SEMA3E: variants seen among roughly 807,000 people sequenced by gnomAD.
SEMA3E encodes the protein semaphorin-3E.
Under a neutral mutation model 93.6 loss-of-function variants are expected in SEMA3E, and 49 were observed. The observed-to-expected ratio is 0.52, with a 90% CI of 0.42 to 0.66. The LOEUF (loss-of-function observed/expected upper bound fraction) is 0.66, where lower values mean the gene tolerates loss of function less well. SEMA3E is among the 30% of genes least tolerant of loss of function. SEMA3E has a pLI of 0.00. For missense variants in SEMA3E, 906 were observed against 964.8 expected (o/e 0.94, Z 0.81); for synonymous variants, 363 against 330.7 (o/e 1.10, Z -1.06).
intron 4 of SEMA3E, among the ~76,000 whole-genome samples, chr7:83,433,328 T>C (rs139326353): frequency 1.2e-4 from 19 of 152,266 alleles, no homozygotes; most frequent in Middle Eastern, 3.4e-3. Flanking sequence ...GAGTGTCTTA[T>C]TGAGGTTTAT....
chr7:83,568,774 G>C (rs1162372083), intron 1 of SEMA3E, among the ~76,000 whole-genome samples: 1 of 152,048 alleles, frequency 6.6e-6, no homozygotes, highest in African/African-American at 2.4e-5. Flanking sequence ...CTTACAGAAT[G>C]AGAAAAAAGC....
At chr7:83,439,933 G>A (rs1789079155) in intron 4 of SEMA3E, among the ~76,000 whole-genome samples, 1 of 152,170 alleles carries the variant, frequency 6.6e-6, no homozygotes, top group Admixed American at 6.5e-5. Flanking sequence ...CACATGATCA[G>A]TGGTAAAAGA....
At chr7:83,461,432 C>T (rs548606681) in intron 4 of SEMA3E, among the ~76,000 whole-genome samples, 1 of 152,322 alleles carries the variant, frequency 6.6e-6, no homozygotes, top group Non-Finnish European at 1.5e-5. Flanking sequence ...CCCCTCCTCA[C>T]ACCTGGTCCG....
At chr7:83,450,149 A>C (rs868477226) in intron 4 of SEMA3E, among the ~76,000 whole-genome samples, 12 of 152,344 alleles carry the variant, frequency 7.9e-5, no homozygotes, top group African/African-American at 2.6e-4. Flanking sequence ...TGGGGTAACT[A>C]GAAAACTTAT....
chr7:83,413,935 A>T (rs2713155), intron 5 of SEMA3E, among the ~76,000 whole-genome samples: 4,280 of 152,222 alleles, frequency 0.028, 161 homozygotes, highest in East Asian at 0.17. Flanking sequence ...CTTTTTTCTT[A>T]GTCCTTTACC....
At chr7:83,528,657 C>A (rs1386962943) in intron 1 of SEMA3E, among the ~76,000 whole-genome samples, 1 of 152,036 alleles carries the variant, frequency 6.6e-6, no homozygotes, top group East Asian at 1.9e-4. Context: ...TTATCCAAAT[C>A]TTTAATGTTT....
At chr7:83,560,750 T>C (rs1030388728) in intron 1 of SEMA3E, among the ~76,000 whole-genome samples, 2 of 151,958 alleles carry the variant, frequency 1.3e-5, no homozygotes, top group African/African-American at 2.4e-5. Flanking sequence ...CCATTTTTAA[T>C]AAACTGTGTG....
chr7:83,544,275 T>A (rs1791599337), intron 1 of SEMA3E, among the ~76,000 whole-genome samples: 1 of 152,120 alleles, frequency 6.6e-6, no homozygotes, highest in South Asian at 2.1e-4. Flanking sequence ...TACAGATAAT[T>A]GAGAAGTACA....
In SEMA3E at chr7:83,435,324, T is replaced by C. The variant is rs377603255; in HGVS notation, c.457-16841A>G. ...TTATTGAATTTTTGGCCTGGCACAG[T>C]GGCTCACGCCTGTAATCCTGGCACT... is the stretch of plus-strand genomic sequence containing the variant. On this transcript the variant is annotated intron_variant, in intron 4 of 16. Transcript: ENST00000643230. Among the ~76,000 whole-genome samples the C allele has an allele frequency of 3.5e-4, 54 of 152,280 alleles. 1 individual carries two copies. The highest frequency in any genetic ancestry group is 1.2e-3 in the African/African-American group (49 of 41,572).
chr7:83,632,005 A>T (rs1793794614), intron 1 of SEMA3E, among the ~76,000 whole-genome samples: 1 of 151,964 alleles, frequency 6.6e-6, no homozygotes, highest in African/African-American at 2.4e-5. Context: ...AAAATACAAA[A>T]TTAGCCGGGC....
chr7:83,577,693 T>G (rs984362179), intron 1 of SEMA3E, among the ~76,000 whole-genome samples: 5 of 152,156 alleles, frequency 3.3e-5, no homozygotes, highest in Non-Finnish European at 7.4e-5. Flanking sequence ...ACAGATGAAA[T>G]GTGAGATAGA....
chr7:83,376,739 A>G (rs1794828309), intron 16 of SEMA3E, among the ~76,000 whole-genome samples: 1 of 152,026 alleles, frequency 6.6e-6, no homozygotes, highest in Non-Finnish European at 1.5e-5. Flanking sequence ...TTTTGCATTT[A>G]CTACAATAAA....
intron 2 of SEMA3E, among the ~76,000 whole-genome samples, chr7:83,488,356 C>G (rs948503721): frequency 2.0e-5 from 3 of 151,910 alleles, no homozygotes; most frequent in African/African-American, 7.3e-5. Flanking sequence ...AAGAGAGATG[C>G]TAAGAGAAAC....
At chr7:83,531,233 C>A (rs955260684) in intron 1 of SEMA3E, among the ~76,000 whole-genome samples, 5 of 147,376 alleles carry the variant, frequency 3.4e-5, no homozygotes, top group East Asian at 4.0e-4. Flanking sequence ...ATATTTATTT[C>A]TACTTTGTAA....
At chr7:83,619,902 G>T (rs1793514039) in intron 1 of SEMA3E, among the ~76,000 whole-genome samples, 1 of 135,324 alleles carries the variant, frequency 7.4e-6, no homozygotes, top group East Asian at 2.1e-4. Flanking sequence ...TAGATAGATA[G>T]ACAGATAGAT....
intron 1 of SEMA3E, among the ~76,000 whole-genome samples, chr7:83,592,705 G>T (rs772423368): frequency 3.9e-5 from 6 of 152,058 alleles, no homozygotes; most frequent in Non-Finnish European, 7.4e-5. Flanking sequence ...TCAACTGAAG[G>T]TACCAAATTT....
At chr7:83,546,321 GGTGTGTGTGT>G (rs67647992) in intron 1 of SEMA3E, among the ~76,000 whole-genome samples, 2,576 of 129,442 alleles carry the variant, frequency 0.02, 65 homozygotes, top group African/African-American at 0.06. Context: ...TATAATAAGG[GGTGTGTGTGT>G]GTGTGTGTGT....
intron 2 of SEMA3E, 88 bp downstream of exon 2, chr7:83,490,026 T>A (rs1335015578): frequency 1.6e-6 from 2 of 1,262,412 alleles, no homozygotes; most frequent in Non-Finnish European, 2.3e-6. Context: ...TTTAAAGTGG[T>A]CAATACAATT....
At position 83,591,114 on chromosome 7, in the gene SEMA3E, A is replaced by AAAC. The variant is rs1792748544; in HGVS notation, c.115+57313_115+57314insGTT. On this transcript the variant is annotated intron_variant, in intron 1 of 16. Transcript: ENST00000643230. ...TATCTTAGAGTTATTTGCAAAAAAA[A>AAAC]AAAAAAAACAAGAGGAATTCTTTAA... 2.7e-5 allele frequency among the ~76,000 whole-genome samples: 4 copies of AAAC among 150,502 alleles called. 1 individual carries two copies. Among genetic ancestry groups the AAAC allele is most frequent in the African/African-American group, 9.9e-5 (4 of 40,390 alleles).
Sources: allele counts gnomAD v4.1 joint callset (sites outside exome capture counted in the v4.1 genomes callset), GRCh38; gene constraint gnomAD v4.1.1; transcripts MANE v1.5; gene names NCBI Gene and HGNC (gene_info 2026-07-23, HGNC 2026-07-21).